The following LIPT2 variants were observed in gnomAD, a reference collection of about 807,000 sequenced individuals.
LIPT2 encodes the protein octanoyl-[acyl-carrier-protein]:protein N-octanoyltransferase LIPT2, mitochondrial.
Under a neutral mutation model 16.2 loss-of-function variants are expected in LIPT2, and 16 were observed. That is an observed-to-expected ratio of 0.99 (90% CI 0.67 to 1.50). The LOEUF is 1.50. LIPT2 is among the 40% of genes most tolerant of loss of function. The pLI is 0.00. For synonymous variants in LIPT2, 199 were observed against 169.3 expected (o/e 1.18, Z -1.36); for missense variants, 424 against 347.7 (o/e 1.22, Z -1.75).
rs1864393103 is a variant in LIPT2, at chr11:74,493,348, A to G, written c.356T>C (p.Leu119Pro). 6.7e-7 allele frequency: 1 copy of G among 1,503,600 alleles called. No individual in the cohort carries two copies. Among genetic ancestry groups the G allele is most frequent in the South Asian group, 1.2e-5 (1 of 80,442 alleles). 93.1% of individuals were successfully genotyped at this position (1,503,600 alleles called of 1,614,324 possible). ...GCACAGGCGCACGGCGCACGCCTCC[A>G]GCGACGCTACGTGCATGCGCAAGCG... The part of the protein sequence containing the change: ...GLRLRMHVAS[L>P]EACAVRLCEL... Residue 119 changes from leucine (L) to proline (P), a missense_variant, in exon 1 of 2, where the codon CTG (leucine) becomes CCG (proline). Coordinates refer to ENST00000310109, the MANE Select transcript of LIPT2 (RefSeq NM_001144869.3).
chr11:74,492,302 T>A lies in LIPT2; in HGVS notation c.529A>T (p.Thr177Ser), dbSNP rs1864358837. Residue 177 changes from threonine to serine, a missense_variant, in exon 2 of 2, where the codon ACG (threonine) becomes TCG (serine). By Grantham distance (58) the Thr-to-Ser change is moderately conservative. Coordinates refer to ENST00000310109, the MANE Select transcript of LIPT2 (RefSeq NM_001144869.3). ...CAGGGCACGATGTGCTCAAACCACG[T>A]GAGGTCGGTAGAGCAGTTGAGAGCC... ...GLALNCSTDL[T>S]WFEHIVPCGL... 1 of 1,551,572 alleles carries A rather than the reference T, an allele frequency of 6.4e-7. No homozygotes were observed.
rs1023398666 is a variant in LIPT2 at position 74,491,128 on chromosome 11, T to C, written c.*1007A>G. On this transcript the variant is annotated 3_prime_UTR_variant, in exon 2 of 2. Transcript: ENST00000310109. ...ATGACTTGCTCTAGGGGAAGCCAGT[T>C]GCCCTGTCATGAGAACAATTAAGCA... is the stretch of plus-strand genomic sequence containing the variant. 2.0e-5 allele frequency among the ~76,000 whole-genome samples: 3 copies of C among 152,216 alleles called. No homozygotes were observed. The highest frequency in any genetic ancestry group is 2.0e-4 in the Admixed American group (3 of 15,278).
chr11:74,493,666 C>T lies in LIPT2; in HGVS notation c.38G>A (p.Arg13Gln). The change falls in exon 1 of 2, where the codon CGG becomes CAG. Residue 13 changes from arginine to glutamine, a missense_variant. Transcript: ENST00000310109. ...QPAVRLVRLGRVPYAELLGLQ... is the reference protein window; with the variant it reads ...QPAVRLVRLGQVPYAELLGLQ... ...CCCCAGTAGCTCGGCGTACGGCACC[C>T]GACCCAGGCGCACCAACCGAACGGC... 7.0e-7 allele frequency: 1 copy of T among 1,427,196 alleles called. No homozygotes were observed. Among genetic ancestry groups the T allele is most frequent in the Non-Finnish European group, 9.1e-7 (1 of 1,096,370 alleles). The allele number at this position is 1,427,196 out of a possible 1,614,324, so 88.4% of individuals were successfully genotyped here.
chr11:74,493,704 CG>C lies in LIPT2; in HGVS notation c.-2del. ...CCAACCGAACGGCGGGTTGCCGCAT[CG>C]TGCCCACCGTTGCGTCCGCGGGGCC... On this transcript the variant is annotated 5_prime_UTR_variant, in exon 1 of 2. Coordinates refer to ENST00000310109, the MANE Select transcript of LIPT2 (RefSeq NM_001144869.3). 1 of 1,365,472 alleles carries C rather than the reference CG, an allele frequency of 7.3e-7. No individual in the cohort carries two copies. The highest frequency in any genetic ancestry group is 9.4e-7 in the Non-Finnish European group (1 of 1,066,192). The allele number at this position is 1,365,472 out of a possible 1,614,324, so 84.6% of individuals were successfully genotyped here. A position where few individuals can be genotyped will look rare whatever the true frequency, so the allele number is the denominator to read the frequency against.
rs992871979 is a variant in LIPT2, at chr11:74,493,722, C to G, written c.-19G>C. The G allele has an allele frequency of 2.2e-6, 3 of 1,344,786 alleles. No individual in the cohort carries two copies. The highest frequency in any genetic ancestry group is 3.1e-5 in the African/African-American group (2 of 65,076). The allele number at this position is 1,344,786 out of a possible 1,614,324, so 83.3% of individuals were successfully genotyped here. On this transcript the variant is annotated 5_prime_UTR_variant, in exon 1 of 2. Transcript: ENST00000310109. ...GCCGCATCGTGCCCACCGTTGCGTC[C>G]GCGGGGCCCCGCCCTCTCCGTGGGC...
At position 74,492,326 on chromosome 11, in the gene LIPT2, C is replaced by T. The variant is rs1419522194; in HGVS notation, c.505G>A (p.Ala169Thr). ...CGRHITSHGL[A>T]LNCSTDLTWF... is the part of the protein sequence containing the mutation. The stretch of plus-strand genomic sequence containing the variant: ...GTGAGGTCGGTAGAGCAGTTGAGAG[C>T]CAGGCCGTGGGATGTGATGTGCCTT... Residue 169 changes from alanine to threonine, a missense_variant, in exon 2 of 2, where the codon GCT (alanine) becomes ACT (threonine). Coordinates refer to ENST00000310109, the MANE Select transcript of LIPT2 (RefSeq NM_001144869.3). 1.9e-6 allele frequency: 3 copies of T among 1,551,626 alleles called. No individual in the cohort carries two copies. Among genetic ancestry groups the T allele is most frequent in the Non-Finnish European group, 2.6e-6 (3 of 1,146,960 alleles).
chr11:74,493,715 T>G lies in LIPT2; in HGVS notation c.-12A>C. 2 of 1,353,552 alleles carry G rather than the reference T, an allele frequency of 1.5e-6. No homozygotes were observed. The highest frequency in any genetic ancestry group is 2.7e-4 in the Middle Eastern group (1 of 3,718). The allele number at this position is 1,353,552 out of a possible 1,614,324, so 83.8% of individuals were successfully genotyped here. A position where few individuals can be genotyped will look rare whatever the true frequency, so the allele number is the denominator to read the frequency against. On this transcript the variant is annotated 5_prime_UTR_variant, in exon 1 of 2. Transcript: ENST00000310109. ...GCGGGTTGCCGCATCGTGCCCACCGTTGCGTCCGCGGGGCCCCGCCCTCTC... is the reference window on the plus strand; with the variant it reads ...GCGGGTTGCCGCATCGTGCCCACCGGTGCGTCCGCGGGGCCCCGCCCTCTC...
In LIPT2 at chr11:74,493,584, C is replaced by A; in HGVS notation, c.120G>T (p.Ser40=). Residue 40 remains serine (S), a synonymous_variant, in exon 1 of 2, where the codon TCG becomes TCT. Coordinates refer to ENST00000310109, the MANE Select transcript of LIPT2 (RefSeq NM_001144869.3). ...LQAEPGIEAP[S]GTEAGALLLC... ...GCAGGAGCGCGCCCGCCTCAGTCCC[C>A]GACGGGGCCTCAATGCCTGGCTCGG... The A allele has an allele frequency of 6.9e-7, 1 of 1,451,740 alleles. No homozygotes were observed. The highest frequency in any genetic ancestry group is 1.3e-5 in the South Asian group (1 of 74,280). The allele number at this position is 1,451,740 out of a possible 1,614,324, so 89.9% of individuals were successfully genotyped here. A position where few individuals can be genotyped will look rare whatever the true frequency, so the allele number is the denominator to read the frequency against.
rs1401878145 is a variant in LIPT2 at position 74,493,544 on chromosome 11, C to T, written c.160G>A (p.Gly54Arg). ...AGALLLCEPA[G>R]PVYTAGLRGG... Reference sequence around the variant, plus strand: ...CGCAGCCCGGCCGTATACACGGGCCCCGCGGGCTCGCAGAGCAGGAGCGCG... The same window carrying T: ...CGCAGCCCGGCCGTATACACGGGCCTCGCGGGCTCGCAGAGCAGGAGCGCG... Residue 54 changes from glycine to arginine, a missense_variant, in exon 1 of 2, where the codon GGG becomes AGG. By Grantham distance (125) the Gly-to-Arg change is moderately radical (BLOSUM62 -2). Transcript: ENST00000310109. The T allele has an allele frequency of 1.4e-6, 2 of 1,423,948 alleles. No homozygotes were observed. Among genetic ancestry groups the T allele is most frequent in the South Asian group, 1.4e-5 (1 of 70,116 alleles). 88.2% of individuals were successfully genotyped at this position (1,423,948 alleles called of 1,614,324 possible). A position where few individuals can be genotyped will look rare whatever the true frequency, so the allele number is the denominator to read the frequency against.
rs574837925 is a variant in LIPT2 at position 74,491,785 on chromosome 11, T to A, written c.*350A>T. The stretch of plus-strand genomic sequence containing the variant: ...CAGAATTGCTCAGTTAGACACAGTA[T>A]TGAGGAAGCAACAATTGAGAAATGA... On this transcript the variant is annotated 3_prime_UTR_variant, in exon 2 of 2. Coordinates refer to ENST00000310109, the MANE Select transcript of LIPT2 (RefSeq NM_001144869.3). 1 of 287,062 alleles carries A rather than the reference T, an allele frequency of 3.5e-6. No individual in the cohort carries two copies. The highest frequency in any genetic ancestry group is 6.9e-6 in the Non-Finnish European group (1 of 144,874). The allele number at this position is 287,062 out of a possible 1,614,324, so 17.8% of individuals were successfully genotyped here.
In LIPT2 at chr11:74,492,371, G is replaced by C; in HGVS notation, c.467-7C>G. The stretch of plus-strand genomic sequence containing the variant: ...TGCCTTCCACAGCGGACTCCTGCAA[G>C]GCAAGCCAAAGGGTCTTAGAGTAGA... On this transcript the variant is annotated splice_polypyrimidine_tract_variant and splice_region_variant and intron_variant, in intron 1 of 1. Coordinates refer to ENST00000310109, the MANE Select transcript of LIPT2 (RefSeq NM_001144869.3). 6.5e-7 allele frequency: 1 copy of C among 1,546,928 alleles called. No individual in the cohort carries two copies. Among genetic ancestry groups the C allele is most frequent in the African/African-American group, 1.4e-5 (1 of 73,048 alleles).
intron 1 of LIPT2, among the ~76,000 whole-genome samples, chr11:74,492,777 G>T (rs1186940681): frequency 6.6e-6 from 1 of 151,820 alleles, no homozygotes; most frequent in African/African-American, 2.4e-5. Flanking sequence ...GGTGGTGGGC[G>T]CCTGTAGCCC....
rs1425101441 is a variant in LIPT2 at position 74,493,361 on chromosome 11, G to A, written c.343C>T (p.His115Tyr). The change falls in exon 1 of 2, where the codon CAC becomes TAC. Residue 115 changes from histidine (H) to tyrosine (Y), a missense_variant. His to Tyr is a moderately conservative substitution (Grantham distance 83). Coordinates refer to ENST00000310109, the MANE Select transcript of LIPT2 (RefSeq NM_001144869.3). ...GCGCACGCCTCCAGCGACGCTACGTGCATGCGCAAGCGCAGGCCGAGACGC... is the reference window on the plus strand; with the variant it reads ...GCGCACGCCTCCAGCGACGCTACGTACATGCGCAAGCGCAGGCCGAGACGC... Reference protein sequence around the residue: ...LRRLGLRLRMHVASLEACAVR... With the variant: ...LRRLGLRLRMYVASLEACAVR... 1 of 1,510,482 alleles carries A rather than the reference G, an allele frequency of 6.6e-7. No homozygotes were observed. 93.6% of individuals were successfully genotyped at this position (1,510,482 alleles called of 1,614,324 possible).
intron 1 of LIPT2, among the ~76,000 whole-genome samples, chr11:74,492,680 C>T (rs1159387682): frequency 2.6e-5 from 4 of 151,658 alleles, no homozygotes; most frequent in African/African-American, 9.7e-5. Flanking sequence ...CCGAGGCGGG[C>T]GGATCACGAG....
In LIPT2 at chr11:74,493,281, G is replaced by A. The variant is rs945640121; in HGVS notation, c.423C>T (p.Pro141=). Residue 141 remains proline, a synonymous_variant, in exon 1 of 2, where the codon CCC becomes CCT. Transcript: ENST00000310109. ...GATCGTCTAGCCAGACGCCAGTGTA[G>A]GGCGGGGGCCGCGCGCGGGCGTCCT... ...GLQDARARPP[P]YTGVWLDDRK... 7.9e-5 allele frequency: 111 copies of A among 1,413,520 alleles called. No homozygotes were observed. Among genetic ancestry groups the A allele is most frequent in the Non-Finnish European group, 9.8e-5 (106 of 1,085,770 alleles). 87.6% of individuals were successfully genotyped at this position (1,413,520 alleles called of 1,614,324 possible). A position where few individuals can be genotyped will look rare whatever the true frequency, so the allele number is the denominator to read the frequency against.
At position 74,493,310 on chromosome 11, in the gene LIPT2, G is replaced by C; in HGVS notation, c.394C>G (p.Leu132Val). The change falls in exon 1 of 2, where the codon CTG (leucine) becomes GTG (valine). Residue 132 changes from leucine (L) to valine (V), a missense_variant. Leu to Val is a conservative substitution (Grantham distance 32). Transcript: ENST00000310109. The part of the protein sequence containing the change: ...CAVRLCELQG[L>V]QDARARPPPY... ...GGGGGCCGCGCGCGGGCGTCCTGCA[G>C]GCCCTGGAGCTCGCACAGGCGCACG... 6.9e-7 allele frequency: 1 copy of C among 1,452,088 alleles called. No homozygotes were observed. Among genetic ancestry groups the C allele is most frequent in the Non-Finnish European group, 9.0e-7 (1 of 1,105,252 alleles). The allele number at this position is 1,452,088 out of a possible 1,614,324, so 90.0% of individuals were successfully genotyped here. A position where few individuals can be genotyped will look rare whatever the true frequency, so the allele number is the denominator to read the frequency against.
Position 74,491,172 on chromosome 11 carries a change from C to T in LIPT2, c.*963G>A, listed in dbSNP as rs1864327659. ...TTAAGCAACCCTATAGGGAGGTCCA[C>T]ACGGTAAGGAACTGAGGCCTCTTGT... On this transcript the variant is annotated 3_prime_UTR_variant, in exon 2 of 2. Coordinates refer to ENST00000310109, the MANE Select transcript of LIPT2 (RefSeq NM_001144869.3). 6.6e-6 allele frequency among the ~76,000 whole-genome samples: 1 copy of T among 152,230 alleles called. No homozygotes were observed. The highest frequency in any genetic ancestry group is 6.5e-5 in the Admixed American group (1 of 15,278).
chr11:74,491,009 G>A lies in LIPT2; in HGVS notation c.*1126C>T, dbSNP rs1337224499. 1.3e-5 allele frequency among the ~76,000 whole-genome samples: 2 copies of A among 152,200 alleles called. No individual in the cohort carries two copies. The highest frequency in any genetic ancestry group is 2.9e-5 in the Non-Finnish European group (2 of 68,034). On this transcript the variant is annotated 3_prime_UTR_variant, in exon 2 of 2. Coordinates refer to ENST00000310109, the MANE Select transcript of LIPT2 (RefSeq NM_001144869.3). The stretch of plus-strand genomic sequence containing the variant: ...AGTGCAGTCCCTTCCACACTGAACA[G>A]GGCTCATCTGTTAGAAGACTACAGA...
intron 1 of LIPT2, 113 bp downstream of exon 1, chr11:74,493,125 G>T: frequency 1.4e-6 from 1 of 714,652 alleles, no homozygotes; most frequent in Non-Finnish European, 2.0e-6. Flanking sequence ...ACCCGCGCTA[G>T]ATACGCCTCC....
Sources: allele counts gnomAD v4.1 joint callset (sites outside exome capture counted in the v4.1 genomes callset), GRCh38; gene constraint gnomAD v4.1.1; transcripts MANE v1.5; gene names NCBI Gene and HGNC (gene_info 2026-07-23, HGNC 2026-07-21).